GPR139: variants seen among roughly 807,000 people sequenced by gnomAD.
GPR139 encodes the protein probable G protein-coupled receptor 139.
In GPR139, 12 loss-of-function variants were observed where a neutral mutation model predicts 25.8. The ratio of observed to expected loss-of-function variants is 0.47; its 90% CI spans 0.30 to 0.75. GPR139 has a LOEUF of 0.75. Among genes scored for constraint, GPR139 ranks in the 30% least tolerant of loss-of-function variants. GPR139 has a pLI of 0.07. For synonymous variants in GPR139, 184 were observed against 179.9 expected (o/e 1.02, Z -0.18); for missense variants, 380 against 450.2 (o/e 0.84, Z 1.41).
rs1279735653 is a variant in GPR139, at chr16:20,031,602, T to G, written c.*133A>C. 3 of 691,866 alleles carry G rather than the reference T, an allele frequency of 4.3e-6. No individual in the cohort carries two copies. The highest frequency in any genetic ancestry group is 7.7e-6 in the Non-Finnish European group (3 of 390,778). The allele number at this position is 691,866 out of a possible 1,614,324, so 42.9% of individuals were successfully genotyped here. On this transcript the variant is annotated 3_prime_UTR_variant, in exon 2 of 2. Transcript: ENST00000570682. ...TTCCATCTCTTCTCATCTACCAGTC[T>G]GAGAATTGCCCAGTCTGCGGGAGAC...
At chr16:20,042,711 G>C (rs1230272011) in intron 1 of GPR139, among the ~76,000 whole-genome samples, 1 of 151,388 alleles carries the variant, frequency 6.6e-6, no homozygotes, top group Non-Finnish European at 1.5e-5. Context: ...TATTTTTCTT[G>C]TGAAGACCTC....
chr16:20,066,241 A>G (rs905447719), intron 1 of GPR139, among the ~76,000 whole-genome samples: 1 of 152,088 alleles, frequency 6.6e-6, no homozygotes, highest in Non-Finnish European at 1.5e-5. Flanking sequence ...CCATTTGCCA[A>G]TATGTTTCAG....
chr16:20,043,320 C>T (rs559413933), intron 1 of GPR139, among the ~76,000 whole-genome samples: 16 of 152,262 alleles, frequency 1.1e-4, no homozygotes, highest in African/African-American at 2.6e-4. Context: ...CCAAGCCAGC[C>T]GACAGACCCA....
At chr16:20,070,118 TTTAATAAG>T (rs1264972521) in intron 1 of GPR139, among the ~76,000 whole-genome samples, 1 of 152,180 alleles carries the variant, frequency 6.6e-6, no homozygotes, top group African/African-American at 2.4e-5. Context: ...TATTGCACTG[TTTAATAAG>T]GCAGCATGTT....
At chr16:20,069,024 A>C (rs2057448574) in intron 1 of GPR139, among the ~76,000 whole-genome samples, 1 of 152,058 alleles carries the variant, frequency 6.6e-6, no homozygotes, top group East Asian at 1.9e-4. Flanking sequence ...TAGATTTGCT[A>C]ATATTTTGTT....
At chr16:20,051,117 A>G (rs2057370444) in intron 1 of GPR139, among the ~76,000 whole-genome samples, 1 of 151,960 alleles carries the variant, frequency 6.6e-6, no homozygotes, top group African/African-American at 2.4e-5. Context: ...GAAACTTATT[A>G]TTTTTCCCCC....
chr16:20,070,355 A>G (rs1002555359), intron 1 of GPR139, among the ~76,000 whole-genome samples: 11 of 152,250 alleles, frequency 7.2e-5, no homozygotes, highest in Non-Finnish European at 1.5e-4. Flanking sequence ...CCATTTTTAC[A>G]TAGATGATCT....
At chr16:20,052,673 A>G (rs1316652675) in intron 1 of GPR139, among the ~76,000 whole-genome samples, 1 of 151,612 alleles carries the variant, frequency 6.6e-6, no homozygotes, top group Admixed American at 6.6e-5. Context: ...GGCGGGCACC[A>G]GTAGTCCCAG....
chr16:20,055,088 C>T (rs183847458), intron 1 of GPR139, among the ~76,000 whole-genome samples: 3 of 152,010 alleles, frequency 2.0e-5, no homozygotes, highest in Non-Finnish European at 2.9e-5. Context: ...TTTTTCTGAT[C>T]CCCTACCTCC....
intron 1 of GPR139, among the ~76,000 whole-genome samples, chr16:20,069,096 T>C (rs2057449040): frequency 6.6e-6 from 1 of 152,210 alleles, no homozygotes; most frequent in African/African-American, 2.4e-5. Flanking sequence ...TTTTGTAATG[T>C]CTTTGTCCGG....
At chr16:20,072,237 A>G (rs1363389918) in intron 1 of GPR139, among the ~76,000 whole-genome samples, 6 of 152,128 alleles carry the variant, frequency 3.9e-5, no homozygotes, top group Admixed American at 2.6e-4. Flanking sequence ...AGGCTCACAC[A>G]TTAGTAAACT....
intron 1 of GPR139, among the ~76,000 whole-genome samples, chr16:20,068,945 C>G (rs1034411320): frequency 1.1e-4 from 17 of 151,630 alleles, no homozygotes; most frequent in African/African-American, 3.9e-4. Flanking sequence ...ACATGTCGAA[C>G]CAGTGTTGTA....
intron 1 of GPR139, among the ~76,000 whole-genome samples, chr16:20,064,731 C>T (rs1031824939): frequency 2.6e-5 from 4 of 152,102 alleles, no homozygotes; most frequent in East Asian, 1.9e-4. Context: ...ACTGAGGCTC[C>T]GAAAGGGTGA....
intron 1 of GPR139, among the ~76,000 whole-genome samples, chr16:20,055,423 A>G (rs1414932645): frequency 3.9e-5 from 6 of 152,174 alleles, no homozygotes; most frequent in Non-Finnish European, 8.8e-5. Context: ...GTCCCCAGAC[A>G]GCTCTACATA....
chr16:20,054,413 GT>G (rs10581558), intron 1 of GPR139, among the ~76,000 whole-genome samples: 9,982 of 151,108 alleles, frequency 0.066, 977 homozygotes, highest in African/African-American at 0.22. Context: ...GTTCTTATCA[GT>G]TTTTTTTTTT....
chr16:20,040,287 C>A (rs1376545904), intron 1 of GPR139, among the ~76,000 whole-genome samples: 1 of 151,970 alleles, frequency 6.6e-6, no homozygotes, highest in Non-Finnish European at 1.5e-5. Context: ...TTGCTCCTAG[C>A]CTCTAAGTTT....
chr16:20,068,184 C>T (rs2057443173), intron 1 of GPR139, among the ~76,000 whole-genome samples: 1 of 138,796 alleles, frequency 7.2e-6, no homozygotes. Context: ...CAATGTGTGC[C>T]TGTTTATATT....
chr16:20,058,956 T>C (rs2057401054), intron 1 of GPR139, among the ~76,000 whole-genome samples: 1 of 152,180 alleles, frequency 6.6e-6, no homozygotes, highest in Non-Finnish European at 1.5e-5. Flanking sequence ...ACGTCCTTGG[T>C]GTCTGAGAAC....
intron 1 of GPR139, among the ~76,000 whole-genome samples, chr16:20,056,428 GT>G (rs1412667115): frequency 1.3e-5 from 2 of 152,160 alleles, no homozygotes; most frequent in Admixed American, 1.3e-4. Flanking sequence ...ATTCAGAGGG[GT>G]AACTTCATTT....
Sources: gnomAD v4.1 joint callset for allele counts (sites outside exome capture counted in the v4.1 genomes callset) on GRCh38, gnomAD v4.1.1 for gene constraint, MANE v1.5 for transcripts, NCBI Gene and HGNC (gene_info 2026-07-23, HGNC 2026-07-21) for gene names.